Variants in OPCML observed in about 807,000 individuals in gnomAD.
The protein encoded by OPCML is opioid binding protein/cell adhesion molecule like.
In OPCML, 13 loss-of-function variants were observed where a neutral mutation model predicts 37.8. That is an observed-to-expected ratio of 0.34 (90% confidence interval 0.22 to 0.55). The LOEUF (loss-of-function observed/expected upper bound fraction) is 0.55. OPCML is among the 20% of genes least tolerant of loss of function. The probability of loss-of-function intolerance (pLI) is 0.91; values close to 1 mark genes in which losing one functional copy is unlikely to be tolerated. For synonymous variants in OPCML, 176 were observed against 168.8 expected, an observed-to-expected ratio of 1.04 and a Z score of -0.33; for missense variants, 341 against 435.6, an observed-to-expected ratio of 0.78 and a Z score of 1.93.
intron 2 of OPCML, among the ~76,000 whole-genome samples, chr11:132,770,831 GC>G (rs1472957728): frequency 1.3e-5 from 2 of 152,132 alleles, no homozygotes; most frequent in African/African-American, 4.8e-5. Flanking sequence ...GACTCAGGGG[GC>G]CCAGTGACTG....
At position 133,208,224 on chromosome 11, in the gene OPCML, G is replaced by A. The variant is rs1195845060; in HGVS notation, c.62-265214C>T. ...ATTTATCTCAAGCATTTAGCTTATT[G>A]CTTAGCACATTGTATTACATTGCAT... On this transcript the variant is annotated intron_variant, in intron 1 of 7. Transcript: ENST00000524381. The surrounding 1 kb of genome is among the most constrained non-coding windows in gnomAD (Gnocchi z 8.9). Among the ~76,000 whole-genome samples, 18 of 152,104 alleles carry A rather than the reference G, an allele frequency of 1.2e-4. No individual in the cohort carries two copies. The highest frequency in any genetic ancestry group is 9.8e-4 in the Admixed American group (15 of 15,282).
chr11:133,340,050 G>GA lies in OPCML; in HGVS notation c.61+192213dup, dbSNP rs926276751. ...ATCTTTGGTGCCCCATTTGTATCTA[G>GA]AAAAAAAATGTTTCCTTTTCTAACT... On this transcript the variant is annotated intron_variant, in intron 1 of 7. Transcript: ENST00000524381. 4.6e-5 allele frequency among the ~76,000 whole-genome samples: 7 copies of GA among 151,986 alleles called. No homozygotes were observed. In the East Asian group the frequency reaches 5.8e-4, roughly 13 times the overall value.
At chr11:132,858,957 AT>A (rs929968404) in intron 2 of OPCML, among the ~76,000 whole-genome samples, 1 of 152,194 alleles carries the variant, frequency 6.6e-6, no homozygotes, top group Non-Finnish European at 1.5e-5. Flanking sequence ...AGTATTCCAC[AT>A]TCTCTTCATT....
intron 1 of OPCML, among the ~76,000 whole-genome samples, chr11:132,956,182 T>C (rs1481987133): frequency 2.0e-5 from 3 of 152,098 alleles, no homozygotes; most frequent in African/African-American, 7.2e-5. Flanking sequence ...AGTGATTCAG[T>C]TTGTTTTGTG....
chr11:132,676,789 GAA>G (rs1196087295), intron 2 of OPCML, among the ~76,000 whole-genome samples: 1,685 of 93,788 alleles, frequency 0.018, 32 homozygotes, highest in African/African-American at 0.052. Context: ...AAACAAACAA[GAA>G]AAAAAAAAAA....
At chr11:133,242,662 C>A (rs1172719121) in intron 1 of OPCML, among the ~76,000 whole-genome samples, 1 of 152,120 alleles carries the variant, frequency 6.6e-6, no homozygotes, top group African/African-American at 2.4e-5. Context: ...TTTAAAGGTC[C>A]TTTCTCCAAA....
At chr11:132,681,393 C>T (rs1341116300) in intron 2 of OPCML, among the ~76,000 whole-genome samples, 1 of 152,120 alleles carries the variant, frequency 6.6e-6, no homozygotes, top group African/African-American at 2.4e-5. Flanking sequence ...AGCTGGATGT[C>T]GGAGACTGCA....
intron 7 of OPCML, among the ~76,000 whole-genome samples, chr11:132,432,532 A>T (rs1023234519): frequency 6.6e-6 from 1 of 152,230 alleles, no homozygotes; most frequent in African/African-American, 2.4e-5. Context: ...TCAGCCAGCG[A>T]GCAGCATAGG....
At chr11:133,152,468 A>G (rs1180957872) in intron 1 of OPCML, among the ~76,000 whole-genome samples, 1 of 152,142 alleles carries the variant, frequency 6.6e-6, no homozygotes, top group Non-Finnish European at 1.5e-5. Flanking sequence ...TCGACCGGGA[A>G]GAATGTCTAA....
intron 1 of OPCML, among the ~76,000 whole-genome samples, chr11:133,140,531 T>TAATAAGAAGAAGAAGAAGAAGAAGAAG (rs1272061685): frequency 1.3e-3 from 111 of 88,092 alleles, no homozygotes; most frequent in Non-Finnish European, 1.6e-3. Flanking sequence ...ATAATAATAA[T>TAATAAGAAGAAGAAGAAGAAGAAGAAG]AAGAAGAAGA....
At chr11:132,679,907 T>C (rs965164822) in intron 2 of OPCML, among the ~76,000 whole-genome samples, 2 of 152,194 alleles carry the variant, frequency 1.3e-5, no homozygotes, top group Admixed American at 6.5e-5. Context: ...AAAGGAACTG[T>C]TTGTTGGAGA....
chr11:132,520,892 A>G (rs2096291615), intron 4 of OPCML, among the ~76,000 whole-genome samples: 1 of 152,086 alleles, frequency 6.6e-6, no homozygotes, highest in Non-Finnish European at 1.5e-5. Context: ...GGTATATACC[A>G]AATACCATTA....
chr11:132,932,699 A>ATG (rs968782586), intron 2 of OPCML, among the ~76,000 whole-genome samples: 2 of 148,142 alleles, frequency 1.4e-5, no homozygotes. Context: ...TATTATATAT[A>ATG]TATATATATA....
intron 2 of OPCML, among the ~76,000 whole-genome samples, chr11:132,823,695 G>T (rs55708052): frequency 1.1e-4 from 16 of 152,020 alleles, no homozygotes; most frequent in African/African-American, 3.4e-4. Context: ...CATAACAAAA[G>T]AATTCTATAT....
At chr11:132,939,145 G>T (rs1213402323) in intron 2 of OPCML, among the ~76,000 whole-genome samples, 1 of 152,108 alleles carries the variant, frequency 6.6e-6, no homozygotes, top group African/African-American at 2.4e-5. Context: ...GAAAAATAAT[G>T]CATTTGTTTT....
At chr11:132,902,992 T>C (rs78495286) in intron 2 of OPCML, among the ~76,000 whole-genome samples, 15,882 of 152,128 alleles carry the variant, frequency 0.1, 1,094 homozygotes, top group African/African-American at 0.18. Context: ...AGAGGAACTT[T>C]GCTCTAGGCA....
At chr11:132,966,030 T>G (rs1946206995) in intron 1 of OPCML, among the ~76,000 whole-genome samples, 1 of 152,036 alleles carries the variant, frequency 6.6e-6, no homozygotes, top group South Asian at 2.1e-4. Flanking sequence ...ACTATTTTTA[T>G]TATTTATTAA....
chr11:132,676,499 T>G (rs1193287179), intron 2 of OPCML, among the ~76,000 whole-genome samples: 1 of 151,436 alleles, frequency 6.6e-6, no homozygotes, highest in African/African-American at 2.4e-5. Flanking sequence ...AAAAAAAAAA[T>G]CTATAGAATG....
chr11:133,350,850 T>C (rs952325991), intron 1 of OPCML, among the ~76,000 whole-genome samples: 2 of 152,134 alleles, frequency 1.3e-5, no homozygotes, highest in African/African-American at 4.8e-5. Flanking sequence ...ATTTCCAACA[T>C]ATGATCAATG....
Sources: gnomAD v4.1 joint callset for allele counts (sites outside exome capture counted in the v4.1 genomes callset) on GRCh38, gnomAD v4.1.1 for gene constraint, Gnocchi (gnomAD v3.1) non-coding constraint, MANE v1.5 for transcripts, NCBI Gene and HGNC (gene_info 2026-07-23, HGNC 2026-07-21) for gene names.